Variants in LRRC7 observed in about 807,000 individuals in gnomAD.
LRRC7 encodes leucine rich repeat containing 7.
A neutral mutation model predicts 175.7 loss-of-function variants in LRRC7; 23 were observed. That is an observed-to-expected ratio of 0.13 (90% CI 0.09 to 0.19). The LOEUF (loss-of-function observed/expected upper bound fraction) is 0.19, where lower values mean the gene tolerates loss of function less well. LRRC7 is among the 10% of genes least tolerant of loss of function. LRRC7 has a pLI of 1.00. For missense variants in LRRC7, 1,354 were observed against 1,904.7 expected (o/e 0.71, Z 5.38); for synonymous variants, 685 against 680.9 (o/e 1.01, Z -0.09).
chr1:69,608,209 G>A (rs1647957113), intron 1 of LRRC7: 2 of 152,094 alleles, frequency 1.3e-5, no homozygotes, highest in Non-Finnish European at 2.9e-5. Context: ...CAAAAAATTT[G>A]TCATTTACCA....
At chr1:70,035,974 A>T in intron 18 of LRRC7, 147 bp from the exon 19 acceptor site, 1 of 561,074 alleles carries the variant, frequency 1.8e-6, no homozygotes, top group Non-Finnish European at 3.1e-6. Context: ...ACTCAGAGAT[A>T]CATATGGTTT....
chr1:70,008,001 G>A (rs965842449), intron 11 of LRRC7, among the ~76,000 whole-genome samples: 4 of 152,002 alleles, frequency 2.6e-5, no homozygotes, highest in African/African-American at 7.2e-5. Flanking sequence ...GTTCTCTTAG[G>A]GGAATAGAAC....
intron 7 of LRRC7, among the ~76,000 whole-genome samples, chr1:69,897,423 A>G (rs1407324622): frequency 6.6e-6 from 1 of 152,018 alleles, no homozygotes; most frequent in East Asian, 1.9e-4. Context: ...TTTTTTTCAC[A>G]GCACTTACCA....
intron 2 of LRRC7, among the ~76,000 whole-genome samples, chr1:69,730,670 C>G (rs1256014849): frequency 6.6e-6 from 1 of 152,156 alleles, no homozygotes; most frequent in Non-Finnish European, 1.5e-5. Flanking sequence ...AAGCTCCAAA[C>G]TTTTCCACAT....
intron 2 of LRRC7, among the ~76,000 whole-genome samples, chr1:69,717,814 G>GAAAGAAAT (rs1665623412): frequency 2.0e-4 from 5 of 25,402 alleles, no homozygotes; most frequent in African/African-American, 1.3e-3. Context: ...AAGAAAGAAA[G>GAAAGAAAT]AAAGAAAGAA....
Position 70,137,563 on chromosome 1 carries a change from T to C in LRRC7, c.*15676T>C, listed in dbSNP as rs1666920568. 6.6e-6 allele frequency among the ~76,000 whole-genome samples: 1 copy of C among 152,234 alleles called. No homozygotes were observed. Among genetic ancestry groups the C allele is most frequent in the African/African-American group, 2.4e-5 (1 of 41,460 alleles). On this transcript the variant is annotated 3_prime_UTR_variant, in exon 27 of 27. Coordinates refer to ENST00000651989, the MANE Select transcript of LRRC7 (RefSeq NM_001370785.2). ...TAGCAAACACTCCACCACTGGGGGT[T>C]GCTTTGTGTTTAAGTACCTAATAGA... is the stretch of plus-strand genomic sequence containing the variant.
chr1:69,691,577 C>T (rs941525060), intron 2 of LRRC7, among the ~76,000 whole-genome samples: 3 of 152,052 alleles, frequency 2.0e-5, no homozygotes, highest in Admixed American at 6.6e-5. Flanking sequence ...CCAGGTGGAT[C>T]GCTTAAGCTC....
In LRRC7 at chr1:69,629,594, C is replaced by T. The variant is rs536135633; in HGVS notation, c.3-48787C>T. On this transcript the variant is annotated intron_variant, in intron 1 of 26. Transcript: ENST00000651989. The stretch of plus-strand genomic sequence containing the variant: ...TCTAGTCCCAGGATGACTACACTTT[C>T]TCTCTCCAAATTCTCTTTATTTCAT... Among the ~76,000 whole-genome samples, 14 of 152,178 alleles carry T rather than the reference C, an allele frequency of 9.2e-5. No homozygotes were observed. The South Asian group carries it at 2.9e-3, about 32-fold the overall frequency.
rs867012158 is a variant in LRRC7, at chr1:69,621,564, G to A, written c.2+52923G>A. ...ATTTCCTAGTTGAAATATCATAGTTGTTTAATAATCACATGCGATCTCTTT... is the reference window on the plus strand; with the variant it reads ...ATTTCCTAGTTGAAATATCATAGTTATTTAATAATCACATGCGATCTCTTT... On this transcript the variant is annotated intron_variant, in intron 1 of 26. Transcript: ENST00000651989. Among the ~76,000 whole-genome samples, 15 of 152,176 alleles carry A rather than the reference G, an allele frequency of 9.9e-5. No homozygotes were observed. In the Middle Eastern group the frequency reaches 0.01, roughly 104 times the overall value.
At chr1:69,570,157 T>C (rs1051699362) in intron 1 of LRRC7, among the ~76,000 whole-genome samples, 2 of 152,014 alleles carry the variant, frequency 1.3e-5, no homozygotes, top group Non-Finnish European at 2.9e-5. Context: ...ATAGAGATTT[T>C]TATAGCGTGG....
At chr1:70,027,882 A>G (rs112448551) in intron 17 of LRRC7, among the ~76,000 whole-genome samples, 2,989 of 152,292 alleles carry the variant, frequency 0.02, 99 homozygotes, top group African/African-American at 0.069. Flanking sequence ...CAAATTACCA[A>G]TCACTTAAGT....
At chr1:69,708,959 T>C (rs367550977) in intron 2 of LRRC7, among the ~76,000 whole-genome samples, 203 of 152,334 alleles carry the variant, frequency 1.3e-3, no homozygotes, top group African/African-American at 4.4e-3. Flanking sequence ...ACTGGTATAT[T>C]CCTTCTATGA....
At chr1:69,937,025 G>A (rs1648110581) in intron 8 of LRRC7, among the ~76,000 whole-genome samples, 1 of 151,744 alleles carries the variant, frequency 6.6e-6, no homozygotes, top group South Asian at 2.1e-4. Context: ...GTTATTGCAG[G>A]TTTTTTTTAC....
intron 4 of LRRC7, among the ~76,000 whole-genome samples, chr1:69,824,506 G>A (rs913026876): frequency 2.6e-5 from 4 of 152,074 alleles, no homozygotes; most frequent in Admixed American, 6.6e-5. Flanking sequence ...ATAATTTTAG[G>A]ACCGCATGAT....
At chr1:69,609,307 T>C (rs979051201) in intron 1 of LRRC7, among the ~76,000 whole-genome samples, 1 of 151,938 alleles carries the variant, frequency 6.6e-6, no homozygotes, top group Non-Finnish European at 1.5e-5. Context: ...GGCAGAACAG[T>C]GGTAGGAAAT....
At position 70,008,020 on chromosome 1, in the gene LRRC7, G is replaced by T. The variant is rs553541396; in HGVS notation, c.1005-3777G>T. ...TCTTAGGGGAATAGAACTAATCAGA[G>T]ATATATATATATATGAGCTTATTAA... On this transcript the variant is annotated intron_variant, in intron 11 of 26. Coordinates refer to ENST00000651989, the MANE Select transcript of LRRC7 (RefSeq NM_001370785.2). Among the ~76,000 whole-genome samples the T allele has an allele frequency of 8.6e-5, 13 of 151,264 alleles. 1 individual carries two copies. The South Asian group carries it at 2.5e-3, about 29-fold the overall frequency.
chr1:70,113,762 T>G (rs1180474244), intron 26 of LRRC7, among the ~76,000 whole-genome samples: 3 of 152,166 alleles, frequency 2.0e-5, no homozygotes, highest in African/African-American at 7.2e-5. Context: ...AACTAAGTTT[T>G]GAAATCACTT....
chr1:70,037,978 A>C (rs545282956), intron 20 of LRRC7, 135 bp from the exon 21 acceptor site: 2 of 1,200,616 alleles, frequency 1.7e-6, no homozygotes, highest in Admixed American at 2.4e-5. Flanking sequence ...TAATAATACT[A>C]TCTTAATCAT....
chr1:70,002,149 G>A (rs1655596425), intron 11 of LRRC7, among the ~76,000 whole-genome samples: 1 of 152,156 alleles, frequency 6.6e-6, no homozygotes, highest in Non-Finnish European at 1.5e-5. Context: ...TTGGGTAAAA[G>A]CAATGAAAAC....
Sources: gnomAD v4.1 joint callset for allele counts (sites outside exome capture counted in the v4.1 genomes callset) on GRCh38, gnomAD v4.1.1 for gene constraint, MANE v1.5 for transcripts, NCBI Gene and HGNC (gene_info 2026-07-23, HGNC 2026-07-21) for gene names.